Variants in GRM5 observed in about 807,000 individuals in gnomAD.
The protein encoded by GRM5 is metabotropic glutamate receptor 5.
A neutral mutation model predicts 83.1 loss-of-function variants in GRM5; 19 were observed. That is an observed-to-expected ratio of 0.23 (90% CI 0.16 to 0.34). The LOEUF (loss-of-function observed/expected upper bound fraction) is 0.34, where lower values mean the gene tolerates loss of function less well. GRM5 is among the 10% of genes least tolerant of loss of function. The probability of loss-of-function intolerance (pLI) is 1.00; values close to 1 mark genes in which losing one functional copy is unlikely to be tolerated. For synonymous variants in GRM5, 675 were observed against 633.6 expected, an observed-to-expected ratio of 1.07 and a Z score of -0.98; for missense variants, 1,160 against 1,588.3, an observed-to-expected ratio of 0.73 and a Z score of 4.58.
At chr11:88,649,224 GTATA>G (rs905181907) in intron 4 of GRM5, among the ~76,000 whole-genome samples, 1 of 134,364 alleles carries the variant, frequency 7.4e-6, no homozygotes, top group African/African-American at 2.8e-5. Context: ...ACACATATAT[GTATA>G]TATAGTATAT....
intron 3 of GRM5, among the ~76,000 whole-genome samples, chr11:88,747,521 G>T (rs1046289145): frequency 1.3e-5 from 2 of 152,130 alleles, no homozygotes; most frequent in Non-Finnish European, 1.5e-5. Context: ...CTCTCTAGAT[G>T]ATAGATACAC....
At position 88,865,830 on chromosome 11, in the gene GRM5, G is replaced by A. The variant is rs1352536851; in HGVS notation, c.662-15675C>T. Among the ~76,000 whole-genome samples the A allele has an allele frequency of 7.2e-5, 11 of 152,046 alleles. No individual in the cohort carries two copies. In the East Asian group the frequency reaches 1.4e-3, roughly 19 times the overall value. Reference sequence around the variant, plus strand: ...AAAACTCATCGTCACTGGTCGTTAGGGTAATGCAAATCAAAACCACAATGA... The same window carrying A: ...AAAACTCATCGTCACTGGTCGTTAGAGTAATGCAAATCAAAACCACAATGA... On this transcript the variant is annotated intron_variant, in intron 2 of 9. Transcript: ENST00000305447.
At chr11:88,776,829 C>A (rs1458184640) in intron 3 of GRM5, among the ~76,000 whole-genome samples, 2 of 152,152 alleles carry the variant, frequency 1.3e-5, no homozygotes, top group Non-Finnish European at 2.9e-5. Context: ...GATGGGCTTC[C>A]CTTTGTGGGT....
intron 6 of GRM5, 46 bp downstream of exon 6, chr11:88,597,137 CT>C (rs1937831340): frequency 7.9e-7 from 1 of 1,261,808 alleles, no homozygotes; most frequent in Non-Finnish European, 1.1e-6. Flanking sequence ...ATAGTTAACA[CT>C]GTTGAATTTA....
At chr11:88,940,210 A>C (rs694416) in intron 2 of GRM5, among the ~76,000 whole-genome samples, 78,865 of 150,608 alleles carry the variant, frequency 0.52, 21,446 homozygotes, top group South Asian at 0.67. Flanking sequence ...AACCAATTTT[A>C]ATTTTCTTTG....
chr11:89,038,478 C>G (rs1198671175), intron 2 of GRM5, among the ~76,000 whole-genome samples: 1 of 152,136 alleles, frequency 6.6e-6, no homozygotes, highest in Non-Finnish European at 1.5e-5. Flanking sequence ...ATCTGAAGGA[C>G]AGAGTGTGGA....
intron 2 of GRM5, among the ~76,000 whole-genome samples, chr11:88,906,022 T>A (rs900955501): frequency 6.6e-6 from 1 of 152,194 alleles, no homozygotes; most frequent in African/African-American, 2.4e-5. Flanking sequence ...TATATTCAAA[T>A]TTATTTAAGT....
At chr11:88,687,579 A>ATATATTATATATATATATAT (rs1250226972) in intron 3 of GRM5, among the ~76,000 whole-genome samples, 2 of 46,880 alleles carry the variant, frequency 4.3e-5, no homozygotes, top group Non-Finnish European at 6.3e-5. Context: ...ATATATATAT[A>ATATATTATATATATATATAT]ATATATATAT....
At chr11:88,516,968 A>C (rs1941537690) in intron 9 of GRM5, among the ~76,000 whole-genome samples, 1 of 152,100 alleles carries the variant, frequency 6.6e-6, no homozygotes, top group African/African-American at 2.4e-5. Context: ...ATATTTCCTT[A>C]ATATTTCCAG....
chr11:88,630,273 G>C (rs1309735923), intron 4 of GRM5, among the ~76,000 whole-genome samples: 2 of 152,046 alleles, frequency 1.3e-5, no homozygotes, highest in Non-Finnish European at 2.9e-5. Flanking sequence ...AGGAATGTAT[G>C]TTCCACGAAG....
intron 2 of GRM5, among the ~76,000 whole-genome samples, chr11:88,977,118 GA>G (rs1486538819): frequency 6.6e-6 from 1 of 151,176 alleles, no homozygotes; most frequent in Non-Finnish European, 1.5e-5. Flanking sequence ...TTGTCAAAAT[GA>G]AGGAACATTT....
At chr11:88,765,850 A>C (rs1327909342) in intron 3 of GRM5, among the ~76,000 whole-genome samples, 2 of 151,904 alleles carry the variant, frequency 1.3e-5, no homozygotes, top group South Asian at 4.1e-4. Context: ...ATTTGACTTC[A>C]GGAATATGTT....
At chr11:88,883,046 A>T (rs1944986445) in intron 2 of GRM5, among the ~76,000 whole-genome samples, 1 of 152,172 alleles carries the variant, frequency 6.6e-6, no homozygotes, top group South Asian at 2.1e-4. Context: ...GCAACTGTGA[A>T]TCCATTAAAC....
intron 3 of GRM5, among the ~76,000 whole-genome samples, chr11:88,742,968 G>A (rs1205719280): frequency 6.6e-6 from 1 of 152,050 alleles, no homozygotes; most frequent in Non-Finnish European, 1.5e-5. Flanking sequence ...ATGGCATCAA[G>A]GACTAGTATT....
At chr11:88,935,332 A>G (rs1937855248) in intron 2 of GRM5, among the ~76,000 whole-genome samples, 1 of 138,360 alleles carries the variant, frequency 7.2e-6, no homozygotes. Flanking sequence ...AGATGAAGAC[A>G]AAAAAATAGT....
intron 3 of GRM5, among the ~76,000 whole-genome samples, chr11:88,758,992 T>A (rs1942452772): frequency 6.6e-6 from 1 of 152,096 alleles, no homozygotes; most frequent in Non-Finnish European, 1.5e-5. Flanking sequence ...CTAAGCTTCA[T>A]ACATGAAGGA....
In GRM5 at chr11:88,693,914, A is replaced by G. The variant is rs112360907; in HGVS notation, c.912-40511T>C. On this transcript the variant is annotated intron_variant, in intron 3 of 9. Coordinates refer to ENST00000305447, the MANE Select transcript of GRM5 (RefSeq NM_001143831.3). ...AAGGAAGGACATCTCAGGCTGGGTA[A>G]TAGATAAATGTGAAATTTGTAAGCA... Among the ~76,000 whole-genome samples the G allele has an allele frequency of 3.7e-3, 564 of 152,320 alleles. 3 individuals carry two copies. Among genetic ancestry groups the G allele is most frequent in the African/African-American group, 0.013 (538 of 41,574 alleles).
At chr11:88,631,512 A>G (rs1335464423) in intron 4 of GRM5, among the ~76,000 whole-genome samples, 1 of 152,194 alleles carries the variant, frequency 6.6e-6, no homozygotes, top group Non-Finnish European at 1.5e-5. Context: ...TAGGATCTTT[A>G]CCTATATCAT....
intron 8 of GRM5, among the ~76,000 whole-genome samples, chr11:88,538,375 A>G (rs535586023): frequency 4.6e-5 from 7 of 152,352 alleles, no homozygotes; most frequent in Admixed American, 4.6e-4. Flanking sequence ...AGGAAGATAC[A>G]GATTTCAAAA....
Sources: gnomAD v4.1 joint callset for allele counts (sites outside exome capture counted in the v4.1 genomes callset) on GRCh38, gnomAD v4.1.1 for gene constraint, MANE v1.5 for transcripts, NCBI Gene and HGNC (gene_info 2026-07-23, HGNC 2026-07-21) for gene names.